The following RBFOX1 variants were observed in gnomAD, a reference collection of about 807,000 sequenced individuals.
RBFOX1 encodes the protein RNA binding fox-1 homolog 1.
RBFOX1 carries 8 observed loss-of-function variants against 57.7 expected under a neutral mutation model. That is an observed-to-expected ratio of 0.14 (90% confidence interval 0.08 to 0.25). The LOEUF (loss-of-function observed/expected upper bound fraction) is 0.25. Among genes scored for constraint, RBFOX1 ranks in the 10% least tolerant of loss-of-function variants. The pLI is 1.00. For synonymous variants in RBFOX1, 326 were observed against 222.4 expected, an observed-to-expected ratio of 1.47 and a Z score of -4.15; for missense variants, 611 against 548.5, an observed-to-expected ratio of 1.11 and a Z score of -1.14.
At chr16:5,992,833 C>T (rs1453686624) in intron 4 of RBFOX1, among the ~76,000 whole-genome samples, 3 of 152,106 alleles carry the variant, frequency 2.0e-5, no homozygotes, top group Non-Finnish European at 2.9e-5. Flanking sequence ...ATTCGGGAGG[C>T]TGATACAGGA....
intron 4 of RBFOX1, among the ~76,000 whole-genome samples, chr16:5,901,652 G>A (rs1330873251): frequency 2.0e-5 from 3 of 152,170 alleles, no homozygotes; most frequent in African/African-American, 7.2e-5. Flanking sequence ...TGGAGAGTAA[G>A]GATATAGGAA....
intron 4 of RBFOX1, among the ~76,000 whole-genome samples, chr16:7,194,183 T>G (rs897021913): frequency 3.9e-5 from 6 of 152,346 alleles, no homozygotes; most frequent in Admixed American, 2.6e-4. Context: ...TACTTTGTGA[T>G]CTCTGTTTTT....
intron 4 of RBFOX1, among the ~76,000 whole-genome samples, chr16:7,337,026 AG>A (rs2096800936): frequency 6.6e-6 from 1 of 152,146 alleles, no homozygotes; most frequent in Non-Finnish European, 1.5e-5. Context: ...TTTCTGAAAA[AG>A]CCCCCAAAAT....
At chr16:7,341,513 C>T (rs1001143731) in intron 4 of RBFOX1, among the ~76,000 whole-genome samples, 1 of 152,130 alleles carries the variant, frequency 6.6e-6, no homozygotes, top group Non-Finnish European at 1.5e-5. Flanking sequence ...TTAAGCACAA[C>T]TGTTTGAAGA....
At chr16:6,522,227 C>G (rs1224908299) in intron 2 of RBFOX1, among the ~76,000 whole-genome samples, 2 of 151,132 alleles carry the variant, frequency 1.3e-5, no homozygotes, top group Non-Finnish European at 2.9e-5. Context: ...TTTTATGTCT[C>G]CCAAGTAGAT....
At chr16:7,174,585 A>G (rs1287247843) in intron 4 of RBFOX1, among the ~76,000 whole-genome samples, 3 of 152,158 alleles carry the variant, frequency 2.0e-5, no homozygotes, top group Non-Finnish European at 2.9e-5. Context: ...GTTTGAGATT[A>G]ACCTGGTGTA....
At chr16:6,915,162 A>C (rs957355868) in intron 3 of RBFOX1, among the ~76,000 whole-genome samples, 2 of 152,182 alleles carry the variant, frequency 1.3e-5, no homozygotes, top group Admixed American at 6.5e-5. Context: ...GGGTCAAGGC[A>C]CTGGGGCTGA....
chr16:5,506,388 G>A (rs2043380196), intron 2 of RBFOX1, among the ~76,000 whole-genome samples: 1 of 152,130 alleles, frequency 6.6e-6, no homozygotes, highest in African/African-American at 2.4e-5. Flanking sequence ...CTGACTCCGT[G>A]GACTCTAAAC....
intron 2 of RBFOX1, among the ~76,000 whole-genome samples, chr16:6,609,577 C>G (rs1381054987): frequency 1.3e-5 from 2 of 151,984 alleles, no homozygotes; most frequent in East Asian, 1.9e-4. Flanking sequence ...TTTCTAAAAT[C>G]AAGGCATTTC....
At chr16:6,466,949 A>C (rs772076775) in intron 2 of RBFOX1, among the ~76,000 whole-genome samples, 1 of 151,904 alleles carries the variant, frequency 6.6e-6, no homozygotes, top group Non-Finnish European at 1.5e-5. Context: ...AATCCTTTCT[A>C]TAATTTAATA....
chr16:6,143,219 T>C (rs373738999), intron 1 of RBFOX1, among the ~76,000 whole-genome samples: 1 of 152,186 alleles, frequency 6.6e-6, no homozygotes, highest in Non-Finnish European at 1.5e-5. Flanking sequence ...TGTCATTGAG[T>C]GCCTTGAAAA....
At chr16:6,239,283 A>G (rs117261643) in intron 1 of RBFOX1, among the ~76,000 whole-genome samples, 6,131 of 152,134 alleles carry the variant, frequency 0.04, 154 homozygotes, top group Middle Eastern at 0.12. Context: ...GACTTGAGAT[A>G]CTTCTTACAG....
At chr16:6,205,593 G>A (rs1204884508) in intron 1 of RBFOX1, among the ~76,000 whole-genome samples, 1 of 152,054 alleles carries the variant, frequency 6.6e-6, no homozygotes, top group African/African-American at 2.4e-5. Context: ...AGGTACATTT[G>A]GTGTACAGCA....
chr16:5,876,184 A>G (rs991012198), intron 4 of RBFOX1, among the ~76,000 whole-genome samples: 4 of 152,034 alleles, frequency 2.6e-5, no homozygotes, highest in African/African-American at 9.7e-5. Flanking sequence ...TAATGAGTAA[A>G]AACAACCAAA....
chr16:5,274,443 C>T (rs751586978), intron 1 of RBFOX1, among the ~76,000 whole-genome samples: 2 of 152,152 alleles, frequency 1.3e-5, no homozygotes, highest in Admixed American at 1.3e-4. Context: ...GCATGAGATT[C>T]GCTTGAACCC....
intron 4 of RBFOX1, among the ~76,000 whole-genome samples, chr16:7,338,651 C>G (rs2096837632): frequency 6.6e-6 from 1 of 152,188 alleles, no homozygotes; most frequent in East Asian, 1.9e-4. Context: ...TATTTTGAAG[C>G]AGAAACCAGC....
At chr16:7,123,220 C>G (rs184830796) in intron 4 of RBFOX1, among the ~76,000 whole-genome samples, 1 of 151,964 alleles carries the variant, frequency 6.6e-6, no homozygotes, top group Admixed American at 6.6e-5. Context: ...AAATGCAAGC[C>G]CATAGATTAT....
intron 1 of RBFOX1, among the ~76,000 whole-genome samples, chr16:6,224,363 C>T (rs1256990235): frequency 6.6e-6 from 1 of 152,052 alleles, no homozygotes; most frequent in East Asian, 1.9e-4. Flanking sequence ...CTGTTTGTAT[C>T]CTTTTTTATT....
intron 4 of RBFOX1, among the ~76,000 whole-genome samples, chr16:7,139,760 C>CT (rs1001304208): frequency 4.1e-4 from 61 of 148,932 alleles, no homozygotes; most frequent in Admixed American, 1.7e-3. Context: ...TGATTGGATT[C>CT]TTTTTTTTTT....
Sources: gnomAD v4.1 joint callset for allele counts (sites outside exome capture counted in the v4.1 genomes callset) on GRCh38, gnomAD v4.1.1 for gene constraint, MANE v1.5 for transcripts, NCBI Gene and HGNC (gene_info 2026-07-23, HGNC 2026-07-21) for gene names.